The following TBC1D2B variants were observed in gnomAD, a reference collection of about 807,000 sequenced individuals.
TBC1D2B encodes TBC1 domain family member 2B.
In TBC1D2B, 64 loss-of-function variants were observed where a neutral mutation model predicts 100.8. The ratio of observed to expected loss-of-function variants is 0.64; its 90% confidence interval spans 0.52 to 0.78. TBC1D2B has a LOEUF of 0.78. TBC1D2B is among the 30% of genes least tolerant of loss of function. The pLI is 0.00. For synonymous variants in TBC1D2B, 480 were observed against 479.7 expected, an observed-to-expected ratio of 1.00 and a Z score of -0.01; for missense variants, 1,052 against 1,218.4, an observed-to-expected ratio of 0.86 and a Z score of 2.03.
intron 2 of TBC1D2B, among the ~76,000 whole-genome samples, chr15:78,049,072 T>C (rs759189491): frequency 4.6e-5 from 7 of 152,170 alleles, no homozygotes; most frequent in Non-Finnish European, 8.8e-5. Context: ...TATTTATCAA[T>C]GTGAGTTTTA....
Position 78,077,336 on chromosome 15 carries a change from G to A in TBC1D2B, c.317C>T (p.Ala106Val). Reference protein sequence around the residue: ...EAAEPGTEPPAHFQVHSAGAV... With the variant: ...EAAEPGTEPPVHFQVHSAGAV... ...TCCCGCGCTGTGCACCTGGAAGTGCGCGGGCGGCTCCGTGCCCGGCTCCGC... is the reference window on the plus strand; with the variant it reads ...TCCCGCGCTGTGCACCTGGAAGTGCACGGGCGGCTCCGTGCCCGGCTCCGC... The change falls in exon 1 of 13, where the codon GCG becomes GTG. Residue 106 changes from alanine (A) to valine (V), a missense_variant. Around this residue, in one of 4 missense-constraint regions of TBC1D2B, gnomAD observed 627 missense variants for 646.1 expected, o/e 0.97. Coordinates refer to ENST00000300584, the MANE Select transcript of TBC1D2B (RefSeq NM_144572.2). The A allele has an allele frequency of 3.3e-6, 5 of 1,537,014 alleles. No homozygotes were observed. The highest frequency in any genetic ancestry group is 1.2e-5 in the South Asian group (1 of 82,848).
At chr15:78,073,894 G>C (rs892574231) in intron 1 of TBC1D2B, among the ~76,000 whole-genome samples, 1 of 151,362 alleles carries the variant, frequency 6.6e-6, no homozygotes, top group African/African-American at 2.4e-5. Context: ...GCTTGAACCC[G>C]GGAGCCAGAG....
chr15:78,076,505 G>T (rs1028523524), intron 1 of TBC1D2B, among the ~76,000 whole-genome samples: 1 of 152,168 alleles, frequency 6.6e-6, no homozygotes, highest in Non-Finnish European at 1.5e-5. Flanking sequence ...AGCACTTTGG[G>T]AAGCTGGATG....
At chr15:78,040,880 AAGAGAG>A (rs374888157) in intron 3 of TBC1D2B, among the ~76,000 whole-genome samples, 54 of 147,964 alleles carry the variant, frequency 3.6e-4, no homozygotes, top group African/African-American at 1.4e-3. Flanking sequence ...GAAAGAAAGA[AAGAGAG>A]AGAGAGAGAA....
Position 78,045,031 on chromosome 15 carries a change from T to C in TBC1D2B, c.552A>G (p.Lys184=), listed in dbSNP as rs750364638. The change falls in exon 3 of 13, where the codon AAA becomes AAG. Residue 184 remains lysine, a synonymous_variant. Coordinates refer to ENST00000300584, the MANE Select transcript of TBC1D2B (RefSeq NM_144572.2). ...IYPHPNASAE[K]ARNVLAVETV... is the part of the protein sequence containing the mutation. ...TCTCCACAGCTAGGACATTTCTGGCTTTTTCTGCAGAAGCATTTGGGTGTG... is the reference window on the plus strand; with the variant it reads ...TCTCCACAGCTAGGACATTTCTGGCCTTTTCTGCAGAAGCATTTGGGTGTG... 1 of 1,612,512 alleles carries C rather than the reference T, an allele frequency of 6.2e-7. No homozygotes were observed. Among genetic ancestry groups the C allele is most frequent in the East Asian group, 2.2e-5 (1 of 44,868 alleles).
intron 3 of TBC1D2B, among the ~76,000 whole-genome samples, chr15:78,037,127 T>G (rs2072962423): frequency 6.6e-6 from 1 of 152,040 alleles, no homozygotes; most frequent in African/African-American, 2.4e-5. Context: ...CAGGTACAGC[T>G]CCACAGGTTC....
At chr15:78,038,832 C>T (rs762232941) in intron 3 of TBC1D2B, among the ~76,000 whole-genome samples, 1 of 152,130 alleles carries the variant, frequency 6.6e-6, no homozygotes, top group Non-Finnish European at 1.5e-5. Flanking sequence ...CTCTCATGAC[C>T]GCAGTGATTT....
At chr15:78,027,457 T>C (rs1299623336) in intron 4 of TBC1D2B, among the ~76,000 whole-genome samples, 3 of 152,234 alleles carry the variant, frequency 2.0e-5, no homozygotes, top group Admixed American at 2.0e-4. Flanking sequence ...TTTCTGTGAA[T>C]AACATGGACA....
rs534812339 is a variant in TBC1D2B, at chr15:78,047,216, G to A, written c.515-2148C>T. Among the ~76,000 whole-genome samples, 9 of 149,572 alleles carry A rather than the reference G, an allele frequency of 6.0e-5. 1 individual carries two copies. In the South Asian group the frequency reaches 1.9e-3, roughly 32 times the overall value. On this transcript the variant is annotated intron_variant, in intron 2 of 12. Coordinates refer to ENST00000300584, the MANE Select transcript of TBC1D2B (RefSeq NM_144572.2). Reference sequence around the variant, plus strand: ...TCTCACTCTGTCACTAAGGCCTGGAGTGCAGTGGTGTGATCACGGCTCACT... The same window carrying A: ...TCTCACTCTGTCACTAAGGCCTGGAATGCAGTGGTGTGATCACGGCTCACT...
At chr15:78,044,259 G>A (rs2073149919) in intron 3 of TBC1D2B, among the ~76,000 whole-genome samples, 1 of 152,158 alleles carries the variant, frequency 6.6e-6, no homozygotes, top group Non-Finnish European at 1.5e-5. Context: ...TTAAATGGGT[G>A]AATTGTACAG....
intron 3 of TBC1D2B, among the ~76,000 whole-genome samples, chr15:78,039,771 C>T (rs2073032117): frequency 6.6e-6 from 1 of 151,948 alleles, no homozygotes; most frequent in South Asian, 2.1e-4. Context: ...CACACACACA[C>T]ACACACACAC....
Position 78,009,074 on chromosome 15 carries a change from C to T in TBC1D2B, c.2311G>A (p.Ala771Thr), listed in dbSNP as rs1432295672. 6.2e-7 allele frequency: 1 copy of T among 1,608,098 alleles called. No individual in the cohort carries two copies. The highest frequency in any genetic ancestry group is 1.3e-5 in the African/African-American group (1 of 74,830). ...VALLYLEQED[A>T]FWCLVTIVEV... The stretch of plus-strand genomic sequence containing the variant: ...ACTATGGTAACGAGACACCAGAAAG[C>T]ATCTTCTTGTTCCAGGTACAGGAGG... Residue 771 changes from alanine (A) to threonine (T), a missense_variant, in exon 10 of 13, where the codon GCT (alanine) becomes ACT (threonine). By Grantham distance (58) the Ala-to-Thr change is moderately conservative. This residue lies in a region of TBC1D2B where 373 missense variants were observed against 464.9 expected (regional missense o/e 0.80). Transcript: ENST00000300584.
intron 6 of TBC1D2B, among the ~76,000 whole-genome samples, chr15:78,018,263 A>G (rs2072426879): frequency 6.6e-6 from 1 of 152,228 alleles, no homozygotes; most frequent in South Asian, 2.1e-4. Flanking sequence ...AATCTATGCA[A>G]ATATTTTATC....
intron 9 of TBC1D2B, 61 bp downstream of exon 9, chr15:78,012,762 C>A: frequency 1.4e-6 from 2 of 1,386,856 alleles, no homozygotes; most frequent in Non-Finnish European, 1.9e-6. Flanking sequence ...AGCTGCCAGG[C>A]AGCACCGGTG....
chr15:78,035,594 G>A (rs539996071), intron 3 of TBC1D2B, among the ~76,000 whole-genome samples: 1 of 152,320 alleles, frequency 6.6e-6, no homozygotes, highest in Admixed American at 6.5e-5. Context: ...AAGGTGGCGG[G>A]GCAGGGAGGA....
rs770558751 is a variant in TBC1D2B, at chr15:78,013,053, G to A, written c.2040C>T (p.Thr680=). Residue 680 remains threonine (T), a synonymous_variant, in exon 9 of 13, where the codon ACC becomes ACT. Transcript: ENST00000300584. ...GCTCAGTGTTGTCCTTGAACTTCCT[G>A]GTGTGACGGTCCACACACCACTTCC... ...KVWKWCVDRH[T]RKFKDNTEPG... 12 of 1,613,986 alleles carry A rather than the reference G, an allele frequency of 7.4e-6. 1 individual carries two copies. Among genetic ancestry groups the A allele is most frequent in the Middle Eastern group, 3.3e-4 (2 of 6,062 alleles).
chr15:78,025,107 C>G (rs538050945), intron 5 of TBC1D2B, among the ~76,000 whole-genome samples, 152 bp downstream of exon 5: 1 of 152,134 alleles, frequency 6.6e-6, no homozygotes, highest in Admixed American at 6.6e-5. Flanking sequence ...CCTAGATGAC[C>G]GCCATGGCAA....
chr15:78,041,473 G>C (rs2073093596), intron 3 of TBC1D2B, among the ~76,000 whole-genome samples: 1 of 152,170 alleles, frequency 6.6e-6, no homozygotes, highest in Non-Finnish European at 1.5e-5. Context: ...AGGGGAGCTA[G>C]TTAAGAGAGT....
intron 1 of TBC1D2B, among the ~76,000 whole-genome samples, chr15:78,071,382 C>CTGTGG: frequency 6.6e-6 from 1 of 152,328 alleles, no homozygotes. Context: ...TATACTCATT[C>CTGTGG]TGTGGTTGTT....
Sources: allele counts gnomAD v4.1 joint callset (sites outside exome capture counted in the v4.1 genomes callset), GRCh38; gene constraint gnomAD v4.1.1; regional missense constraint gnomAD v4.1.1; transcripts MANE v1.5; gene names NCBI Gene and HGNC (gene_info 2026-07-23, HGNC 2026-07-21).